GRIK3: variants seen among roughly 807,000 people sequenced by gnomAD.
GRIK3 encodes glutamate ionotropic receptor kainate type subunit 3, also known as glutamate receptor ionotropic, kainate 3.
In GRIK3, 29 loss-of-function variants were observed where a neutral mutation model predicts 102.5. That is an observed-to-expected ratio of 0.28 (90% CI 0.21 to 0.39). GRIK3 has a LOEUF of 0.39. Among genes scored for constraint, GRIK3 ranks in the 10% least tolerant of loss-of-function variants. GRIK3 has a pLI of 1.00. For missense variants in GRIK3, 908 were observed against 1,252.4 expected (o/e 0.73, Z 4.15); for synonymous variants, 511 against 504.9 (o/e 1.01, Z -0.16).
chr1:36,807,317 C>A (rs1204397682), intron 13 of GRIK3, among the ~76,000 whole-genome samples: 1 of 152,152 alleles, frequency 6.6e-6, no homozygotes, highest in Non-Finnish European at 1.5e-5. Context: ...GCACGGCATT[C>A]ATGAGATTTC....
rs1221113196 is a variant in GRIK3 at position 36,859,269 on chromosome 1, C to T, written c.961-18G>A. ...GCATCAGTCTGCAGGGAAGGGCCTG[C>T]CTGAGAGCGGCTCCCAAGGCCCTCC... On this transcript the variant is annotated intron_variant, in intron 6 of 15. Transcript: ENST00000373091. 2 of 1,589,740 alleles carry T rather than the reference C, an allele frequency of 1.3e-6. No individual in the cohort carries two copies. The highest frequency in any genetic ancestry group is 1.7e-6 in the Non-Finnish European group (2 of 1,162,728).
intron 1 of GRIK3, among the ~76,000 whole-genome samples, chr1:36,946,020 G>T (rs1318676432): frequency 6.6e-6 from 1 of 152,358 alleles, no homozygotes; most frequent in Admixed American, 6.5e-5. Context: ...ACACCCATGA[G>T]AATGACTGAC....
intron 2 of GRIK3, 118 bp downstream of exon 2, chr1:36,890,802 T>C (rs778608983): frequency 1.5e-4 from 106 of 709,810 alleles, no homozygotes; most frequent in Non-Finnish European, 1.9e-4. Context: ...CCAAACCAGG[T>C]AGAAAAGGCT....
chr1:36,882,352 C>T (rs1414785397), intron 2 of GRIK3, among the ~76,000 whole-genome samples: 1 of 152,156 alleles, frequency 6.6e-6, no homozygotes, highest in Non-Finnish European at 1.5e-5. Context: ...GGTAGAACAT[C>T]AGTGGGCACA....
intron 1 of GRIK3, among the ~76,000 whole-genome samples, chr1:37,007,720 G>A (rs1397129217): frequency 6.6e-6 from 1 of 152,230 alleles, no homozygotes; most frequent in Non-Finnish European, 1.5e-5. Context: ...GTTCAACAAT[G>A]ACTTCTTTAC....
chr1:36,896,778 A>C (rs564890), intron 1 of GRIK3, among the ~76,000 whole-genome samples: 4,976 of 152,280 alleles, frequency 0.033, 209 homozygotes, highest in East Asian at 0.11. Context: ...TATTTTAACT[A>C]TACAGGTGCA....
chr1:36,940,294 G>A (rs1318860968), intron 1 of GRIK3, among the ~76,000 whole-genome samples: 1 of 152,192 alleles, frequency 6.6e-6, no homozygotes, highest in Non-Finnish European at 1.5e-5. Context: ...GAGGCCCTAT[G>A]GCTCTATCCA....
intron 11 of GRIK3, among the ~76,000 whole-genome samples, chr1:36,823,689 G>A (rs1208176673): frequency 2.6e-5 from 4 of 151,956 alleles, no homozygotes; most frequent in African/African-American, 4.8e-5. Context: ...CCAACTCTCC[G>A]CTGCCTATCA....
intron 1 of GRIK3, among the ~76,000 whole-genome samples, chr1:36,915,083 T>A (rs904683399): frequency 2.0e-5 from 3 of 152,194 alleles, no homozygotes; most frequent in African/African-American, 7.2e-5. Context: ...GAAAAAGATG[T>A]TCCTCCATTC....
At chr1:36,962,858 TG>T (rs1642029573) in intron 1 of GRIK3, among the ~76,000 whole-genome samples, 1 of 120,578 alleles carries the variant, frequency 8.3e-6, no homozygotes. Context: ...CACTCCAGCC[TG>T]GGCAACAGAG....
intron 11 of GRIK3, among the ~76,000 whole-genome samples, chr1:36,821,202 G>A (rs74064768): frequency 6.6e-6 from 1 of 152,200 alleles, no homozygotes; most frequent in Non-Finnish European, 1.5e-5. Context: ...CATGAAGCGG[G>A]AAGATCCCTC....
intron 5 of GRIK3, among the ~76,000 whole-genome samples, chr1:36,869,241 G>A (rs944849798): frequency 1.3e-5 from 2 of 152,186 alleles, no homozygotes; most frequent in African/African-American, 4.8e-5. Flanking sequence ...ACAGTGAGTG[G>A]GCAGACTTCA....
At chr1:36,818,296 C>T (rs1429295762) in intron 12 of GRIK3, among the ~76,000 whole-genome samples, 1 of 152,214 alleles carries the variant, frequency 6.6e-6, no homozygotes, top group Non-Finnish European at 1.5e-5. Context: ...TCTTTCCCAA[C>T]TGTCACCGAA....
At chr1:36,970,270 A>AGGAG (rs1488403217) in intron 1 of GRIK3, among the ~76,000 whole-genome samples, 1 of 152,196 alleles carries the variant, frequency 6.6e-6, no homozygotes, top group Non-Finnish European at 1.5e-5. Flanking sequence ...AATGTGAACT[A>AGGAG]GGAGGTCATC....
chr1:36,999,285 G>A (rs575733440), intron 1 of GRIK3, among the ~76,000 whole-genome samples: 156 of 152,276 alleles, frequency 1.0e-3, no homozygotes, highest in African/African-American at 3.4e-3. Flanking sequence ...ACCGAGGTGG[G>A]AGAGGAAGCT....
At chr1:36,905,284 T>C (rs1204996228) in intron 1 of GRIK3, among the ~76,000 whole-genome samples, 1 of 152,146 alleles carries the variant, frequency 6.6e-6, no homozygotes, top group African/African-American at 2.4e-5. Flanking sequence ...AAGGGATGGC[T>C]CAATATTGTA....
At chr1:36,847,349 G>C (rs957698510) in intron 9 of GRIK3, among the ~76,000 whole-genome samples, 1 of 152,208 alleles carries the variant, frequency 6.6e-6, no homozygotes, top group African/African-American at 2.4e-5. Flanking sequence ...GGGAGGGCTC[G>C]GGGGCAGAGT....
rs11442581 is a variant in GRIK3 at position 36,840,551 on chromosome 1, CAAAAAAAA to C, written c.1530+1177_1530+1184del. Among the ~76,000 whole-genome samples the C allele has an allele frequency of 6.0e-3, 437 of 73,298 alleles. 1 individual carries two copies. Among genetic ancestry groups the C allele is most frequent in the African/African-American group, 0.022 (408 of 18,682 alleles). The allele number at this position is 73,298 out of a possible 152,430, so 48.1% of individuals were successfully genotyped here. A position where few individuals can be genotyped will look rare whatever the true frequency, so the allele number is the denominator to read the frequency against. ...AACAAAGTGAGACCCTGCTCTCCACCAAAAAAAAAAAAAAAAAAAAAAAAAATTAGCCA... is the reference window on the plus strand; with the variant it reads ...AACAAAGTGAGACCCTGCTCTCCACCAAAAAAAAAAAAAAAAAATTAGCCA... On this transcript the variant is annotated intron_variant, in intron 10 of 15. Coordinates refer to ENST00000373091, the MANE Select transcript of GRIK3 (RefSeq NM_000831.4).
intron 1 of GRIK3, among the ~76,000 whole-genome samples, chr1:36,990,476 T>A (rs1263661432): frequency 6.6e-6 from 1 of 152,086 alleles, no homozygotes; most frequent in African/African-American, 2.4e-5. Context: ...CTTCAGGCAG[T>A]CTCTGAGGCT....
Sources: allele counts gnomAD v4.1 joint callset (sites outside exome capture counted in the v4.1 genomes callset), GRCh38; gene constraint gnomAD v4.1.1; transcripts MANE v1.5; gene names NCBI Gene and HGNC (gene_info 2026-07-23, HGNC 2026-07-21).